The following DRC9 variants were observed in gnomAD, a reference collection of about 807,000 sequenced individuals.
DRC9 encodes the protein dynein regulatory complex protein 9.
the DRC9 span, chr3:197,955,747 C>A: frequency 6.2e-7 from 1 of 1,602,244 alleles, no homozygotes; most frequent in Non-Finnish European, 8.5e-7. Flanking sequence ...TTTTTCCCTG[C>A]AGATGCTGTA....
At chr3:197,938,296 G>A in the DRC9 span, among the ~76,000 whole-genome samples, 1 of 139,884 alleles carries the variant, frequency 7.1e-6, no homozygotes, top group Non-Finnish European at 1.5e-5. Flanking sequence ...CAGCCTTGGT[G>A]ACAAGAGCGA....
chr3:197,911,610 G>A, the DRC9 span, among the ~76,000 whole-genome samples: 1,717 of 152,152 alleles, frequency 0.011, 18 homozygotes, highest in Non-Finnish European at 0.018. Flanking sequence ...TCACTCAACT[G>A]GGAATGTTAT....
At chr3:197,898,484 G>A in the DRC9 span, among the ~76,000 whole-genome samples, 1 of 152,198 alleles carries the variant, frequency 6.6e-6, no homozygotes, top group Non-Finnish European at 1.5e-5. Flanking sequence ...AAAAACCAGT[G>A]TGGTAGAGAA....
the DRC9 span, among the ~76,000 whole-genome samples, chr3:197,931,836 A>G: frequency 6.6e-6 from 1 of 152,040 alleles, no homozygotes; most frequent in Admixed American, 6.6e-5. Flanking sequence ...CGTGTTAGCC[A>G]GGATGGTCTT....
the DRC9 span, chr3:197,950,549 AC>A: frequency 3.1e-6 from 1 of 323,580 alleles, no homozygotes; most frequent in Non-Finnish European, 5.6e-6. Context: ...GGCTTGTCTG[AC>A]CAGTCTCTTT....
chr3:197,956,279 T>C, the DRC9 span: 1 of 165,916 alleles, frequency 6.0e-6, no homozygotes, highest in Non-Finnish European at 1.3e-5. Context: ...TATGCATTTG[T>C]TCAATGCAGA....
At chr3:197,914,092 T>C in the DRC9 span, 1 of 1,492,890 alleles carries the variant, frequency 6.7e-7, no homozygotes, top group Admixed American at 1.7e-5. Context: ...TCTACCTCCA[T>C]TCAGTTCAGT....
At chr3:197,955,875 GAT>G in the DRC9 span, 3 of 1,009,812 alleles carry the variant, frequency 3.0e-6, no homozygotes, top group African/African-American at 4.8e-5. Flanking sequence ...TGCTTAAAAT[GAT>G]AGAGGTTGCT....
the DRC9 span, among the ~76,000 whole-genome samples, chr3:197,908,066 T>C: frequency 1.1e-4 from 16 of 141,608 alleles, no homozygotes; most frequent in South Asian, 1.2e-3. Context: ...TTCCAAGGCA[T>C]CCTCCCAGAT....
At chr3:197,894,411 T>C in the DRC9 span, 1 of 152,200 alleles carries the variant, frequency 6.6e-6, no homozygotes, top group Non-Finnish European at 1.5e-5. Context: ...TGAAGTCTCT[T>C]TGCCTTAATA....
At chr3:197,950,302 G>A in the DRC9 span, 1 of 1,229,976 alleles carries the variant, frequency 8.1e-7, no homozygotes, top group Non-Finnish European at 1.0e-6. Context: ...AGTCGCCGGT[G>A]CGTATCGGAG....
the DRC9 span, among the ~76,000 whole-genome samples, chr3:197,931,812 A>G: frequency 1.3e-5 from 2 of 151,908 alleles, no homozygotes; most frequent in Non-Finnish European, 2.9e-5. Context: ...TTTTTAGTAG[A>G]GATGGGGTTT....
chr3:197,935,586 T>G, the DRC9 span, among the ~76,000 whole-genome samples: 1 of 151,848 alleles, frequency 6.6e-6, no homozygotes, highest in Non-Finnish European at 1.5e-5. Flanking sequence ...CCGGCTTGAG[T>G]GGTCCTCCCC....
the DRC9 span, chr3:197,914,007 T>C: frequency 1.9e-6 from 3 of 1,614,180 alleles, no homozygotes; most frequent in Non-Finnish European, 2.5e-6. Context: ...TCTCTTGCAG[T>C]TGGTCCTTGA....
the DRC9 span, chr3:197,959,994 C>T: frequency 3.6e-6 from 2 of 560,058 alleles, no homozygotes. Flanking sequence ...CGCCCGCTAG[C>T]CTTTCTTCCT....
the DRC9 span, chr3:197,951,589 G>GCC: frequency 2.4e-5 from 10 of 421,800 alleles, no homozygotes; most frequent in Admixed American, 3.3e-4. Context: ...CTGACCTTAG[G>GCC]TGATCCGCCC....
the DRC9 span, chr3:197,960,163 C>A: frequency 6.9e-7 from 1 of 1,443,780 alleles, no homozygotes; most frequent in Non-Finnish European, 9.4e-7. Context: ...CTGGGCCCTC[C>A]GTCTACCCCC....
the DRC9 span, among the ~76,000 whole-genome samples, chr3:197,897,130 T>C: frequency 6.6e-6 from 1 of 152,066 alleles, no homozygotes; most frequent in Non-Finnish European, 1.5e-5. Flanking sequence ...TAAAGGACTT[T>C]TTAAAATTGT....
chr3:197,943,801 C>T, the DRC9 span: 20 of 1,614,038 alleles, frequency 1.2e-5, no homozygotes, highest in South Asian at 7.7e-5. Context: ...TGTCTCCCTT[C>T]GTACTGAACG....
Sources: allele counts gnomAD v4.1 joint callset (sites outside exome capture counted in the v4.1 genomes callset), GRCh38; gene constraint gnomAD v4.1.1; transcripts MANE v1.5; gene names NCBI Gene and HGNC (gene_info 2026-07-23, HGNC 2026-07-21).